Variants in TEX29 observed in about 807,000 individuals in gnomAD.
TEX29 encodes testis expressed 29, also known as testis-expressed protein 29.
In TEX29, 26 loss-of-function variants were observed where a neutral mutation model predicts 18.2. The observed-to-expected ratio is 1.43, with a 90% CI of 1.04 to 1.98. The LOEUF (loss-of-function observed/expected upper bound fraction) is 1.98, where lower values mean the gene tolerates loss of function less well. Ranked by LOEUF, TEX29 falls within the 30% of genes most tolerant of loss-of-function variation. TEX29 has a pLI of 0.00. For missense variants in TEX29, 177 were observed against 194.2 expected (o/e 0.91, Z 0.53); for synonymous variants, 83 against 78.5 (o/e 1.06, Z -0.31).
chr13:111,326,841 G>A (rs1039449046), intron 2 of TEX29, among the ~76,000 whole-genome samples: 9 of 152,122 alleles, frequency 5.9e-5, no homozygotes, highest in African/African-American at 1.7e-4. Flanking sequence ...AAGTTCTGGC[G>A]CTGTGTCCAC....
intron 3 of TEX29, among the ~76,000 whole-genome samples, chr13:111,332,719 C>T (rs950086800): frequency 2.0e-5 from 3 of 152,238 alleles, no homozygotes; most frequent in Non-Finnish European, 2.9e-5. Context: ...TGGAAACACA[C>T]GAGTTGAGAA....
At chr13:111,334,415 G>T (rs117360287) in intron 3 of TEX29, among the ~76,000 whole-genome samples, 2 of 152,240 alleles carry the variant, frequency 1.3e-5, no homozygotes, top group African/African-American at 2.4e-5. Context: ...TTCTGTGTGC[G>T]TGCTGAGGCA....
chr13:111,320,987 G>GGGGA, intron 2 of TEX29, 39 bp downstream of exon 2: 3 of 492,110 alleles, frequency 6.1e-6, no homozygotes, highest in Non-Finnish European at 1.2e-5. Flanking sequence ...GTGGGGTGGG[G>GGGGA]GAGCAGTTGG....
chr13:111,328,878 G>T (rs1286923004), intron 3 of TEX29, among the ~76,000 whole-genome samples: 1 of 152,344 alleles, frequency 6.6e-6, no homozygotes, highest in African/African-American at 2.4e-5. Context: ...CGGAGGCGTT[G>T]CCACTCCCCA....
intron 3 of TEX29, among the ~76,000 whole-genome samples, chr13:111,334,099 A>G (rs1356009643): frequency 1.3e-5 from 2 of 152,146 alleles, no homozygotes; most frequent in Non-Finnish European, 2.9e-5. Context: ...ATTTCTATTA[A>G]TGGCATTTTT....
intron 2 of TEX29, 40 bp downstream of exon 2, chr13:111,320,988 G>GGGGGGGGGGGGA: frequency 4.6e-6 from 2 of 431,436 alleles, no homozygotes; most frequent in Non-Finnish European, 4.3e-6. Context: ...TGGGGTGGGG[G>GGGGGGGGGGGGA]AGCAGTTGGG....
chr13:111,342,672 G>T, intron 4 of TEX29, 84 bp from the exon 5 acceptor site: 3 of 1,352,674 alleles, frequency 2.2e-6, no homozygotes, highest in East Asian at 2.4e-5. Flanking sequence ...TTTTCAGAGG[G>T]ATGTCCTGGT....
chr13:111,328,039 T>C (rs2093676849), intron 2 of TEX29, 144 bp from the exon 3 acceptor site: 1 of 597,118 alleles, frequency 1.7e-6, no homozygotes. Context: ...CAAATAAAGA[T>C]TTGCAGGATG....
At chr13:111,333,384 G>A (rs919936285) in intron 3 of TEX29, among the ~76,000 whole-genome samples, 1 of 152,064 alleles carries the variant, frequency 6.6e-6, no homozygotes, top group Non-Finnish European at 1.5e-5. Flanking sequence ...GACCTCTAAG[G>A]CTGTATTAAT....
intron 2 of TEX29, 36 bp downstream of exon 2, chr13:111,320,984 G>T: frequency 1.5e-6 from 1 of 675,736 alleles, no homozygotes. Context: ...CGGGTGGGGT[G>T]GGGGAGCAGT....
Position 111,339,909 on chromosome 13 carries a change from C to T in TEX29, c.216C>T (p.Ala72=). 1 of 1,612,330 alleles carries T rather than the reference C, an allele frequency of 6.2e-7. No homozygotes were observed. The highest frequency in any genetic ancestry group is 8.5e-7 in the Non-Finnish European group (1 of 1,179,692). ...FSALIVIIAG[A]FVITIIYRVI... is the part of the protein sequence containing the mutation. ...CCTTGATTGTGATCATCGCTGGGGC[C>T]TTCGTCATCACCATCATCTACAGGT... The change falls in exon 4 of 6, where the codon GCC becomes GCT. Residue 72 remains alanine, a synonymous_variant. Coordinates refer to ENST00000283547, the MANE Select transcript of TEX29 (RefSeq NM_152324.3).
chr13:111,328,123 C>T (rs778839309), intron 2 of TEX29, 60 bp from the exon 3 acceptor site: 26 of 1,127,996 alleles, frequency 2.3e-5, no homozygotes, highest in Admixed American at 5.2e-5. Flanking sequence ...GGTTCTTTAG[C>T]GGAGAGCAGA....
At chr13:111,319,093 C>T (rs1185399383), upstream of TEX29, among the ~76,000 whole-genome samples, 2 of 152,176 alleles carry the variant, frequency 1.3e-5, no homozygotes, top group Non-Finnish European at 2.9e-5. Context: ...CTCACGACCT[C>T]CTCACCTTCC....
At chr13:111,323,873 T>C (rs561110420) in intron 2 of TEX29, among the ~76,000 whole-genome samples, 15 of 152,316 alleles carry the variant, frequency 9.8e-5, no homozygotes, top group East Asian at 5.8e-4. Context: ...TCCTCCTCCT[T>C]CTCACCTCTC....
rs756662997 is a variant in TEX29, at chr13:111,328,240, A to G, written c.116A>G (p.Gln39Arg). The change falls in exon 3 of 6, where the codon CAG becomes CGG. Residue 39 changes from glutamine (Q) to arginine (R), a missense_variant. By Grantham distance (43) the Gln-to-Arg change is conservative (BLOSUM62 1). Transcript: ENST00000283547. ...CDYNVSRDRC[Q>R]ELGCCFYEGV... ...TACAACGTCTCCAGGGACCGATGCC[A>G]GGAGCTCGGGTGCTGCTTCTACGAA... 6.2e-7 allele frequency: 1 copy of G among 1,614,072 alleles called. No individual in the cohort carries two copies. The highest frequency in any genetic ancestry group is 1.7e-5 in the Admixed American group (1 of 60,028).
chr13:111,342,648 A>G, intron 4 of TEX29, 108 bp from the exon 5 acceptor site: 1 of 1,065,730 alleles, frequency 9.4e-7, no homozygotes, highest in Non-Finnish European at 1.3e-6. Context: ...AGTATGCATG[A>G]TCAGGAACCT....
intron 3 of TEX29, among the ~76,000 whole-genome samples, chr13:111,333,275 G>GT (rs1253580313): frequency 3.9e-5 from 6 of 152,130 alleles, no homozygotes; most frequent in Admixed American, 3.9e-4. Flanking sequence ...AACTTAGGAA[G>GT]TTTTTACCAT....
chr13:111,328,351 G>A, intron 3 of TEX29, 58 bp downstream of exon 3: 6 of 1,177,850 alleles, frequency 5.1e-6, no homozygotes, highest in Non-Finnish European at 7.6e-6. Flanking sequence ...TGACCATGCC[G>A]ACCACTGCCC....
At chr13:111,320,043 T>C (rs892835716), upstream of TEX29, among the ~76,000 whole-genome samples, 1 of 152,222 alleles carries the variant, frequency 6.6e-6, no homozygotes, top group African/African-American at 2.4e-5. Context: ...CTGCGGCATC[T>C]CGGCTCCTTG....
Sources: allele counts gnomAD v4.1 joint callset (sites outside exome capture counted in the v4.1 genomes callset), GRCh38; gene constraint gnomAD v4.1.1; transcripts MANE v1.5; gene names NCBI Gene and HGNC (gene_info 2026-07-23, HGNC 2026-07-21).